Variants in CCNY observed in about 807,000 individuals in gnomAD.
CCNY encodes cyclin-Y.
In CCNY, 19 loss-of-function variants were observed where a neutral mutation model predicts 42.8. The observed-to-expected ratio is 0.44, with a 90% confidence interval of 0.31 to 0.65. The LOEUF (loss-of-function observed/expected upper bound fraction) is 0.65. Ranked by LOEUF, CCNY falls within the 30% of genes least tolerant of loss-of-function variation. CCNY has a pLI of 0.07. For synonymous variants in CCNY, 165 were observed against 162.7 expected, an observed-to-expected ratio of 1.01 and a Z score of -0.11; for missense variants, 370 against 437.3, an observed-to-expected ratio of 0.85 and a Z score of 1.37.
At position 35,420,806 on chromosome 10, in the gene CCNY, C is replaced by G. The variant is rs560664036; in HGVS notation, c.155-62598C>G. 6.6e-5 allele frequency among the ~76,000 whole-genome samples: 10 copies of G among 152,320 alleles called. No individual in the cohort carries two copies. The South Asian group carries it at 1.7e-3, about 25-fold the overall frequency. On this transcript the variant is annotated intron_variant, in intron 1 of 9. Coordinates refer to ENST00000374704, the MANE Select transcript of CCNY (RefSeq NM_145012.6). ...AACCTAAGCTGAATGTGAACGGAGACTAATTTTTAACTGTTAATTCACAGC... is the reference window on the plus strand; with the variant it reads ...AACCTAAGCTGAATGTGAACGGAGAGTAATTTTTAACTGTTAATTCACAGC...
At chr10:35,373,038 A>G (rs1836972858) in intron 1 of CCNY, among the ~76,000 whole-genome samples, 1 of 152,166 alleles carries the variant, frequency 6.6e-6, no homozygotes, top group Non-Finnish European at 1.5e-5. Context: ...TTCCTCTGCT[A>G]GATTGTAAAC....
chr10:35,570,864 C>G lies in CCNY; in HGVS notation c.*1694C>G, dbSNP rs1841672495. ...AAATTTGTGTCAGGTATAAGCATACCTGTTTGGGCCAGAATTATTATCACA... is the reference window on the plus strand; with the variant it reads ...AAATTTGTGTCAGGTATAAGCATACGTGTTTGGGCCAGAATTATTATCACA... On this transcript the variant is annotated 3_prime_UTR_variant, in exon 10 of 10. Transcript: ENST00000374704. 1 of 152,338 alleles carries G rather than the reference C, an allele frequency of 6.6e-6. No individual in the cohort carries two copies. The highest frequency in any genetic ancestry group is 2.4e-5 in the African/African-American group (1 of 41,452). 9.4% of individuals were successfully genotyped at this position (152,338 alleles called of 1,614,324 possible).
At chr10:35,303,135 G>C (rs1459406141) in intron 3 of CCNY, among the ~76,000 whole-genome samples, 2 of 152,106 alleles carry the variant, frequency 1.3e-5, no homozygotes, top group Non-Finnish European at 2.9e-5. Flanking sequence ...GCTGCAGTGA[G>C]CCATGACTGC....
At chr10:35,526,063 T>G in intron 5 of CCNY, 64 bp downstream of exon 5, 2 of 1,405,542 alleles carry the variant, frequency 1.4e-6, no homozygotes, top group Non-Finnish European at 1.0e-6. Flanking sequence ...TTCCTATTTT[T>G]TCATATTCTA....
intron 1 of CCNY, among the ~76,000 whole-genome samples, chr10:35,480,972 A>C (rs1466907900): frequency 1.3e-5 from 2 of 151,942 alleles, no homozygotes; most frequent in Admixed American, 1.3e-4. Context: ...TCTCAAAAAC[A>C]AAAAAACAAA....
intron 7 of CCNY, among the ~76,000 whole-genome samples, chr10:35,535,033 A>G (rs371257556): frequency 8.8e-5 from 10 of 113,500 alleles, no homozygotes; most frequent in East Asian, 5.6e-4. Context: ...GTGTGTGTGT[A>G]TGTATATATA....
intron 1 of CCNY, among the ~76,000 whole-genome samples, chr10:35,435,610 A>G (rs1437149745): frequency 1.3e-5 from 2 of 152,254 alleles, no homozygotes; most frequent in African/African-American, 4.8e-5. Context: ...AACATGGCAC[A>G]GTCAAGCTGC....
intron 1 of CCNY, among the ~76,000 whole-genome samples, chr10:35,472,811 A>G (rs1312886927): frequency 6.6e-6 from 1 of 152,228 alleles, no homozygotes; most frequent in Non-Finnish European, 1.5e-5. Flanking sequence ...AGCCCTTTGA[A>G]AACCAAGAAT....
intron 2 of CCNY, among the ~76,000 whole-genome samples, chr10:35,248,775 G>A (rs759098977): frequency 2.4e-4 from 36 of 152,284 alleles, no homozygotes; most frequent in Middle Eastern, 3.4e-3. Flanking sequence ...GGAGGCTGAC[G>A]CTGCAGTGAG....
Position 35,530,203 on chromosome 10 carries a change from G to T in CCNY, c.539G>T (p.Ser180Ile). 1.2e-6 allele frequency: 2 copies of T among 1,614,238 alleles called. No individual in the cohort carries two copies. The highest frequency in any genetic ancestry group is 1.7e-6 in the Non-Finnish European group (2 of 1,180,036). Residue 180 changes from serine (S) to isoleucine (I), a missense_variant, in exon 7 of 10, where the codon AGT becomes ATT. By Grantham distance (142) the Ser-to-Ile change is moderately radical. Transcript: ENST00000374704. The surrounding 1 kb of genome is among the most constrained non-coding windows in gnomAD (Gnocchi z 4.3). ...TACCGGTTCGTTCGGACACTGTTCA[G>T]TGCTGCTCAGCTGACGGCTGAATGT... is the stretch of plus-strand genomic sequence containing the variant. ...QIYRFVRTLF[S>I]AAQLTAECAI...
upstream of CCNY, among the ~76,000 whole-genome samples, chr10:35,335,154 C>T (rs11010175): frequency 0.31 from 43,148 of 140,504 alleles, 6,461 homozygotes; most frequent in Admixed American, 0.41. Context: ...ACCTTATATT[C>T]TTCCCAATAA....
intron 3 of CCNY, among the ~76,000 whole-genome samples, chr10:35,309,792 T>C (rs1426626386): frequency 6.6e-6 from 1 of 151,928 alleles, no homozygotes; most frequent in African/African-American, 2.4e-5. Flanking sequence ...GTACATGTGT[T>C]ATTTACTTAT....
At chr10:35,356,954 ACCT>A (rs1376225400) in intron 1 of CCNY, among the ~76,000 whole-genome samples, 2 of 150,374 alleles carry the variant, frequency 1.3e-5, no homozygotes, top group African/African-American at 2.5e-5. Context: ...TGCCATGTAA[ACCT>A]CCTTTCTCGT....
upstream of CCNY, among the ~76,000 whole-genome samples, chr10:35,335,182 G>A (rs536054115): frequency 2.4e-4 from 37 of 151,142 alleles, no homozygotes; most frequent in Non-Finnish European, 1.0e-4. Flanking sequence ...AAAAGTCAGG[G>A]ATGGCTGGCA....
At position 35,530,786 on chromosome 10, in the gene CCNY, T is replaced by C. The variant is rs1216855447; in HGVS notation, c.579+543T>C. Among the ~76,000 whole-genome samples, 1 of 152,190 alleles carries C rather than the reference T, an allele frequency of 6.6e-6. No homozygotes were observed. Among genetic ancestry groups the C allele is most frequent in the Non-Finnish European group, 1.5e-5 (1 of 68,028 alleles). On this transcript the variant is annotated intron_variant, in intron 7 of 9. Transcript: ENST00000374704. The surrounding 1 kb of genome is among the most constrained non-coding windows in gnomAD (Gnocchi z 4.3). ...CTCAAGAAAAAATAAAAATTTGTTT[T>C]TACAGCTGGGCTCCATGGCTCACGT... is the stretch of plus-strand genomic sequence containing the variant.
intron 3 of CCNY, among the ~76,000 whole-genome samples, chr10:35,505,319 A>G (rs1428452374): frequency 6.6e-6 from 1 of 152,108 alleles, no homozygotes. Flanking sequence ...GAGGAGTTGA[A>G]TAGCCAGCTT....
intron 7 of CCNY, among the ~76,000 whole-genome samples, chr10:35,537,249 A>T (rs920111033): frequency 6.6e-5 from 10 of 152,216 alleles, no homozygotes; most frequent in African/African-American, 2.4e-4. Flanking sequence ...CAGAAGATGT[A>T]TGGAAATGCC....
chr10:35,312,951 T>C (rs1445598468), intron 3 of CCNY, among the ~76,000 whole-genome samples: 5 of 152,068 alleles, frequency 3.3e-5, no homozygotes, highest in African/African-American at 4.8e-5. Flanking sequence ...CTTTTTCCTA[T>C]CATTTCTTAC....
chr10:35,518,135 G>A (rs1046094126), intron 4 of CCNY, among the ~76,000 whole-genome samples: 2 of 152,188 alleles, frequency 1.3e-5, no homozygotes, highest in African/African-American at 4.8e-5. Flanking sequence ...TTTCATCCTT[G>A]GACCACTTAA....
Sources: allele counts gnomAD v4.1 joint callset (sites outside exome capture counted in the v4.1 genomes callset), GRCh38; gene constraint gnomAD v4.1.1; non-coding constraint Gnocchi (gnomAD v3.1); transcripts MANE v1.5; gene names NCBI Gene and HGNC (gene_info 2026-07-23, HGNC 2026-07-21).